The following WDFY4 variants were observed in gnomAD, a reference collection of about 807,000 sequenced individuals.
WDFY4 encodes WD repeat- and FYVE domain-containing protein 4.
Under a neutral mutation model 351.9 loss-of-function variants are expected in WDFY4, and 169 were observed. That is an observed-to-expected ratio of 0.48 (90% CI 0.42 to 0.55). WDFY4 has a LOEUF of 0.55. Among genes scored for constraint, WDFY4 ranks in the 20% least tolerant of loss-of-function variants. The probability of loss-of-function intolerance (pLI) is 0.00; values close to 1 mark genes in which losing one functional copy is unlikely to be tolerated. For synonymous variants in WDFY4, 1,622 were observed against 1,574.6 expected, an observed-to-expected ratio of 1.03 and a Z score of -0.71; for missense variants, 3,803 against 3,935.6, an observed-to-expected ratio of 0.97 and a Z score of 0.90.
chr10:48,910,930 A>G (rs1564473514), intron 47 of WDFY4: 8 of 984,680 alleles, frequency 8.1e-6, no homozygotes, highest in Non-Finnish European at 9.6e-6. Context: ...TCCTTTGCTG[A>G]ACCTTTTGAA....
intron 1 of WDFY4, among the ~76,000 whole-genome samples, chr10:48,707,462 C>T (rs137921697): frequency 7.9e-5 from 12 of 152,334 alleles, no homozygotes; most frequent in East Asian, 3.9e-4. Context: ...AAGGGACCCA[C>T]GCAGCAATGT....
chr10:48,745,319 G>A (rs183320136), intron 12 of WDFY4, among the ~76,000 whole-genome samples: 2 of 152,246 alleles, frequency 1.3e-5, no homozygotes, highest in Admixed American at 1.3e-4. Context: ...AATTGGTTGA[G>A]GTTGACTTCA....
At chr10:48,770,569 T>C (rs1311645976) in intron 13 of WDFY4, among the ~76,000 whole-genome samples, 1 of 151,810 alleles carries the variant, frequency 6.6e-6, no homozygotes, top group Non-Finnish European at 1.5e-5. Flanking sequence ...GGCAAGAGGG[T>C]GGATGTTACT....
chr10:48,910,166 T>G lies in WDFY4; in HGVS notation c.7586+8303T>G, dbSNP rs187157512. ...ACTTGCCACTCTGTCTTCTCCTAAC[T>G]GGGGGCTTCTCCTCTTCAGAGTCGT... On this transcript the variant is annotated intron_variant, in intron 47 of 61. Transcript: ENST00000325239. 3.6e-6 allele frequency: 5 copies of G among 1,385,112 alleles called. No individual in the cohort carries two copies. The African/African-American group carries it at 4.3e-5, about 12-fold the overall frequency. The allele number at this position is 1,385,112 out of a possible 1,614,324, so 85.8% of individuals were successfully genotyped here. A position where few individuals can be genotyped will look rare whatever the true frequency, so the allele number is the denominator to read the frequency against.
Position 48,726,050 on chromosome 10 carries a change from G to A in WDFY4, c.761G>A (p.Ser254Asn). The A allele has an allele frequency of 1.3e-6, 2 of 1,549,720 alleles. No individual in the cohort carries two copies. The highest frequency in any genetic ancestry group is 1.4e-5 in the African/African-American group (1 of 73,132). Residue 254 changes from serine (S) to asparagine (N), a missense_variant, in exon 6 of 62, where the codon AGC (serine) becomes AAC (asparagine). Ser to Asn is a conservative substitution (Grantham distance 46, BLOSUM62 1). Transcript: ENST00000325239. ...LRAISKAQNL[S>N]IIQYLQATDC... ...GCAATCTCCAAGGCCCAGAACCTCA[G>A]CATCATCCAGTACCTGCAGGGTATG... is the stretch of plus-strand genomic sequence containing the variant.
intron 13 of WDFY4, among the ~76,000 whole-genome samples, chr10:48,766,726 C>A (rs1022392939): frequency 1.2e-4 from 18 of 152,236 alleles, no homozygotes; most frequent in Admixed American, 1.2e-3. Context: ...TCAGCCCTGG[C>A]CTAATTATCA....
chr10:48,760,245 G>T, intron 12 of WDFY4, 102 bp from the exon 13 acceptor site: 1 of 1,045,730 alleles, frequency 9.6e-7, no homozygotes, highest in Non-Finnish European at 1.4e-6. Flanking sequence ...GACAGGATGT[G>T]TACCATGATC....
intron 11 of WDFY4, 53 bp downstream of exon 11, chr10:48,736,123 G>A (rs768858350): frequency 9.1e-6 from 14 of 1,537,948 alleles, no homozygotes; most frequent in Middle Eastern, 1.7e-4. Context: ...TGCACCAAGC[G>A]ATCCACATTT....
At chr10:48,724,826 A>T (rs527945869) in intron 5 of WDFY4, among the ~76,000 whole-genome samples, 1 of 152,296 alleles carries the variant, frequency 6.6e-6, no homozygotes, top group South Asian at 2.1e-4. Flanking sequence ...TAGCAATTAA[A>T]AAAATAGAGA....
At chr10:48,712,461 G>A (rs562832736) in intron 2 of WDFY4, among the ~76,000 whole-genome samples, 81 of 152,282 alleles carry the variant, frequency 5.3e-4, no homozygotes, top group African/African-American at 1.9e-3. Context: ...GGCAAACCCT[G>A]CAGAGGCAGA....
chr10:48,888,755 C>CT (rs1207820839), intron 43 of WDFY4, among the ~76,000 whole-genome samples: 1 of 152,234 alleles, frequency 6.6e-6, no homozygotes, highest in Non-Finnish European at 1.5e-5. Flanking sequence ...CTTCTCCAAG[C>CT]TTTTCCAGAA....
At chr10:48,877,302 T>C (rs1276606182) in intron 43 of WDFY4, 103 bp downstream of exon 43, 87 of 1,065,908 alleles carry the variant, frequency 8.2e-5, no homozygotes, top group Non-Finnish European at 1.0e-4. Flanking sequence ...GGGAATGAGA[T>C]CTCCATTTGC....
In WDFY4 at chr10:48,799,782, A is replaced by C. The variant is rs151041723; in HGVS notation, c.4410+3332A>C. ...GAGCGAGACTTCGTCTCAAACAAAC[A>C]AACAAAGAATTAAGGGGAAGTGTGG... On this transcript the variant is annotated intron_variant, in intron 24 of 61. Transcript: ENST00000325239. Among the ~76,000 whole-genome samples, 469 of 152,326 alleles carry C rather than the reference A, an allele frequency of 3.1e-3. 3 individuals carry two copies. Among genetic ancestry groups the C allele is most frequent in the African/African-American group, 0.011 (454 of 41,580 alleles).
chr10:48,882,867 C>T (rs12777759), intron 43 of WDFY4, among the ~76,000 whole-genome samples: 19,792 of 152,244 alleles, frequency 0.13, 1,429 homozygotes, highest in Middle Eastern at 0.22. Context: ...TGGAACAAAA[C>T]ATCCAGACTG....
intron 1 of WDFY4, among the ~76,000 whole-genome samples, chr10:48,687,248 G>T (rs529101089): frequency 6.6e-6 from 1 of 151,710 alleles, no homozygotes; most frequent in African/African-American, 2.4e-5. Flanking sequence ...ACATATTCTG[G>T]GTACTACTTT....
chr10:48,879,096 A>G (rs1425163997), intron 43 of WDFY4, among the ~76,000 whole-genome samples: 2 of 152,262 alleles, frequency 1.3e-5, no homozygotes, highest in Non-Finnish European at 2.9e-5. Flanking sequence ...CATATAGGTA[A>G]GTGGATATTT....
Position 48,883,389 on chromosome 10 carries a change from G to GGTGTGT in WDFY4, c.7167+6205_7167+6210dup, listed in dbSNP as rs71026226. 4.8e-3 allele frequency among the ~76,000 whole-genome samples: 721 copies of GGTGTGT among 150,668 alleles called. 11 individuals are homozygous for GGTGTGT. The highest frequency in any genetic ancestry group is 0.016 in the African/African-American group (657 of 41,144). On this transcript the variant is annotated intron_variant, in intron 43 of 61. Transcript: ENST00000325239. ...AGGCAAATAGAAAGTTTGTGCAAGG[G>GGTGTGT]GTGTGTGTGTGTGTGTGTGTTACTC...
rs55891907 is a variant in WDFY4 at position 48,916,871 on chromosome 10, A to ATGTG, written c.7586+15044_7586+15047dup. Among the ~76,000 whole-genome samples, 361 of 149,382 alleles carry ATGTG rather than the reference A, an allele frequency of 2.4e-3. 4 individuals carry two copies. The highest frequency in any genetic ancestry group is 0.023 in the East Asian group (117 of 4,992). ...AAGTAAAAAGTCCTGCTTTAAAAAT[A>ATGTG]TGTGTGTGTGTGTGTGTGTGTGTGT... On this transcript the variant is annotated intron_variant, in intron 47 of 61. Coordinates refer to ENST00000325239, the MANE Select transcript of WDFY4 (RefSeq NM_001394531.1).
intron 15 of WDFY4, among the ~76,000 whole-genome samples, 180 bp from the exon 16 acceptor site, chr10:48,776,570 G>C (rs532889144): frequency 6.6e-6 from 1 of 152,352 alleles, no homozygotes; most frequent in East Asian, 1.9e-4. Flanking sequence ...CTTGTTATCA[G>C]ACTCAGCAGG....
Sources: gnomAD v4.1 joint callset for allele counts (sites outside exome capture counted in the v4.1 genomes callset) on GRCh38, gnomAD v4.1.1 for gene constraint, MANE v1.5 for transcripts, NCBI Gene and HGNC (gene_info 2026-07-23, HGNC 2026-07-21) for gene names.